The following SLF2 variants were observed in gnomAD, a reference collection of about 807,000 sequenced individuals.
The protein encoded by SLF2 is SMC5/6 complex localization factor 2, also known as SMC5-SMC6 complex localization factor protein 2.
In SLF2, 68 loss-of-function variants were observed where a neutral mutation model predicts 124.3. The observed-to-expected ratio is 0.55, with a 90% CI of 0.45 to 0.67. The LOEUF (loss-of-function observed/expected upper bound fraction) is 0.67, where lower values mean the gene tolerates loss of function less well. Ranked by LOEUF, SLF2 falls within the 30% of genes least tolerant of loss-of-function variation. The probability of loss-of-function intolerance (pLI) is 0.00; values close to 1 mark genes in which losing one functional copy is unlikely to be tolerated. For missense variants in SLF2, 1,246 were observed against 1,373.7 expected (o/e 0.91, Z 1.47); for synonymous variants, 480 against 478.8 (o/e 1.00, Z -0.03).
intron 19 of SLF2, among the ~76,000 whole-genome samples, chr10:100,960,264 G>A (rs1458067241): frequency 2.0e-5 from 3 of 152,144 alleles, no homozygotes; most frequent in Non-Finnish European, 2.9e-5. Context: ...GTGAATATGT[G>A]TTCTCAAATG....
At chr10:100,939,901 A>G (rs544348532) in intron 11 of SLF2, among the ~76,000 whole-genome samples, 3 of 152,352 alleles carry the variant, frequency 2.0e-5, no homozygotes, top group South Asian at 4.1e-4. Flanking sequence ...CTGGTTACTC[A>G]GATGTAATCT....
intron 1 of SLF2, among the ~76,000 whole-genome samples, chr10:100,915,527 T>G (rs1201259980): frequency 6.6e-6 from 1 of 152,230 alleles, no homozygotes; most frequent in Non-Finnish European, 1.5e-5. Context: ...TCCCCATTAT[T>G]CATTTGGCAT....
chr10:100,948,894 G>T (rs1277202127), intron 15 of SLF2, among the ~76,000 whole-genome samples: 1 of 152,018 alleles, frequency 6.6e-6, no homozygotes, highest in Non-Finnish European at 1.5e-5. Flanking sequence ...TCAAAAAAAA[G>T]CCCCATAGAA....
intron 16 of SLF2, 148 bp downstream of exon 16, chr10:100,950,355 T>C (rs1373975528): frequency 1.0e-6 from 1 of 983,544 alleles, no homozygotes; most frequent in East Asian, 2.7e-5. Flanking sequence ...TATTTTTAAT[T>C]TATCACTGTC....
chr10:100,935,316 AC>A (rs1378839275), intron 9 of SLF2, among the ~76,000 whole-genome samples: 7 of 152,006 alleles, frequency 4.6e-5, no homozygotes, highest in Non-Finnish European at 1.0e-4. Context: ...AATCGCTTGA[AC>A]CTGGGAGGCG....
Position 100,952,226 on chromosome 10 carries a change from A to G in SLF2, c.3330+1473A>G, listed in dbSNP as rs376744487. Reference sequence around the variant, plus strand: ...GCCATTGCACTCCAGCCTGGGCAACAGAGCGAGACTTCATCTCAAAAAAAA... The same window carrying G: ...GCCATTGCACTCCAGCCTGGGCAACGGAGCGAGACTTCATCTCAAAAAAAA... On this transcript the variant is annotated intron_variant, in intron 17 of 19. Coordinates refer to ENST00000238961, the MANE Select transcript of SLF2 (RefSeq NM_018121.4). Among the ~76,000 whole-genome samples the G allele has an allele frequency of 7.3e-4, 111 of 151,808 alleles. No homozygotes were observed. In the South Asian group the frequency reaches 0.022, roughly 30 times the overall value.
intron 9 of SLF2, among the ~76,000 whole-genome samples, chr10:100,937,046 A>G (rs1849877665): frequency 6.6e-6 from 1 of 152,168 alleles, no homozygotes; most frequent in Non-Finnish European, 1.5e-5. Flanking sequence ...TGCACATAAA[A>G]TGCCTTTATT....
chr10:100,962,023 C>G lies in SLF2; in HGVS notation c.*111C>G, dbSNP rs1300886204. The G allele has an allele frequency of 2.4e-5, 23 of 965,102 alleles. No homozygotes were observed. Among genetic ancestry groups the G allele is most frequent in the Non-Finnish European group, 3.5e-5 (23 of 652,342 alleles). 59.8% of individuals were successfully genotyped at this position (965,102 alleles called of 1,614,324 possible). A position where few individuals can be genotyped will look rare whatever the true frequency, so the allele number is the denominator to read the frequency against. On this transcript the variant is annotated 3_prime_UTR_variant, in exon 20 of 20. Transcript: ENST00000238961. ...CAATGAATGCCAAGAAAATGTACAG[C>G]AAATGTGCCACTTGAATATCTAGTA...
chr10:100,944,426 C>T (rs1371539404), intron 12 of SLF2, among the ~76,000 whole-genome samples: 2 of 137,738 alleles, frequency 1.5e-5, no homozygotes, highest in Middle Eastern at 4.1e-3. Flanking sequence ...ACCCAGGAGG[C>T]GGAGCTTGCA....
intron 6 of SLF2, among the ~76,000 whole-genome samples, chr10:100,927,622 G>T (rs959532725): frequency 6.6e-6 from 1 of 152,144 alleles, no homozygotes; most frequent in African/African-American, 2.4e-5. Context: ...GGACTTACTG[G>T]ATTATATGGT....
At chr10:100,956,416 G>A (rs932923101) in intron 17 of SLF2, 35 bp from the exon 18 acceptor site, 4 of 1,456,164 alleles carry the variant, frequency 2.7e-6, no homozygotes, top group Middle Eastern at 3.6e-4. Flanking sequence ...TAATGCTTCA[G>A]AATTGTTTTC....
At chr10:100,929,000 T>C (rs1326759892) in intron 6 of SLF2, among the ~76,000 whole-genome samples, 3 of 152,198 alleles carry the variant, frequency 2.0e-5, no homozygotes, top group African/African-American at 7.2e-5. Context: ...CCTTTCCCAT[T>C]CTGTGAGTGG....
chr10:100,960,998 C>CTGTTTTTTTT (rs1850417426), intron 19 of SLF2, among the ~76,000 whole-genome samples: 1 of 61,364 alleles, frequency 1.6e-5, no homozygotes. Context: ...TTCTGTACTT[C>CTGTTTTTTTT]TTTTTTTTTT....
intron 18 of SLF2, 145 bp downstream of exon 18, chr10:100,956,682 T>C (rs965439548): frequency 1.9e-5 from 11 of 578,202 alleles, no homozygotes; most frequent in African/African-American, 7.6e-5. Flanking sequence ...CCCAATACTT[T>C]GGGAGGCTGA....
intron 1 of SLF2, among the ~76,000 whole-genome samples, chr10:100,915,625 T>C (rs893067445): frequency 2.0e-5 from 3 of 152,332 alleles, no homozygotes; most frequent in Admixed American, 2.0e-4. Flanking sequence ...TGTATCAATG[T>C]CTGCAGAGAA....
intron 9 of SLF2, among the ~76,000 whole-genome samples, chr10:100,932,735 G>GCGCGCA (rs1849768577): frequency 6.6e-6 from 1 of 151,042 alleles, no homozygotes; most frequent in African/African-American, 2.4e-5. Context: ...GCGCGCGCGC[G>GCGCGCA]CGCACATTTG....
intron 10 of SLF2, 138 bp downstream of exon 10, chr10:100,937,615 T>C: frequency 1.6e-6 from 1 of 639,902 alleles, no homozygotes; most frequent in Non-Finnish European, 2.7e-6. Context: ...GTCGTTTTTT[T>C]TGGTTTTTTT....
At chr10:100,936,556 C>T (rs1045291346) in intron 9 of SLF2, among the ~76,000 whole-genome samples, 6 of 151,240 alleles carry the variant, frequency 4.0e-5, no homozygotes, top group African/African-American at 1.5e-4. Context: ...AGGATGGTCT[C>T]GATCTCCTGA....
rs61871488 is a variant in SLF2 at position 100,960,728 on chromosome 10, G to A, written c.3487-1149G>A. On this transcript the variant is annotated intron_variant, in intron 19 of 19. Coordinates refer to ENST00000238961, the MANE Select transcript of SLF2 (RefSeq NM_018121.4). ...TTGTAAATATTTTCTTCCATTCTGTGTGTTGCCTTTCCTTTATTTTTATTT... is the reference window on the plus strand; with the variant it reads ...TTGTAAATATTTTCTTCCATTCTGTATGTTGCCTTTCCTTTATTTTTATTT... 4.0e-5 allele frequency among the ~76,000 whole-genome samples: 6 copies of A among 151,858 alleles called. No individual in the cohort carries two copies. In the South Asian group the frequency reaches 1.2e-3, roughly 32 times the overall value.
Sources: gnomAD v4.1 joint callset for allele counts (sites outside exome capture counted in the v4.1 genomes callset) on GRCh38, gnomAD v4.1.1 for gene constraint, MANE v1.5 for transcripts, NCBI Gene and HGNC (gene_info 2026-07-23, HGNC 2026-07-21) for gene names.